PHF20: variants seen among roughly 807,000 people sequenced by gnomAD.
PHF20 encodes the protein PHD finger protein 20.
PHF20 carries 23 observed loss-of-function variants against 113.5 expected under a neutral mutation model. The observed-to-expected ratio is 0.20, with a 90% confidence interval of 0.15 to 0.29. The LOEUF (loss-of-function observed/expected upper bound fraction) is 0.29. PHF20 is among the 10% of genes least tolerant of loss of function. The probability of loss-of-function intolerance (pLI) is 1.00; values close to 1 mark genes in which losing one functional copy is unlikely to be tolerated. For synonymous variants in PHF20, 434 were observed against 457.3 expected, an observed-to-expected ratio of 0.95 and a Z score of 0.65; for missense variants, 943 against 1,219.6, an observed-to-expected ratio of 0.77 and a Z score of 3.38.
chr20:35,888,342 T>G (rs192371698), intron 9 of PHF20, among the ~76,000 whole-genome samples: 66 of 152,194 alleles, frequency 4.3e-4, no homozygotes, highest in East Asian at 7.7e-4. Flanking sequence ...TACCAAAGTA[T>G]AGTAGTAATT....
At chr20:35,843,911 T>A (rs192707000) in intron 3 of PHF20, among the ~76,000 whole-genome samples, 9 of 152,300 alleles carry the variant, frequency 5.9e-5, no homozygotes, top group African/African-American at 1.9e-4. Flanking sequence ...TGGAATTGAT[T>A]GGACTGTATT....
intron 5 of PHF20, among the ~76,000 whole-genome samples, chr20:35,860,237 ATTTT>A (rs34253757): frequency 1.5e-5 from 2 of 129,750 alleles, no homozygotes; most frequent in African/African-American, 2.9e-5. Context: ...TTTCTAAGAA[ATTTT>A]TTTTTTTTTT....
At chr20:35,901,156 G>A (rs2055087968) in intron 10 of PHF20, among the ~76,000 whole-genome samples, 1 of 152,038 alleles carries the variant, frequency 6.6e-6, no homozygotes, top group African/African-American at 2.4e-5. Flanking sequence ...CGGACATAGT[G>A]GCTCACACCT....
Position 35,850,296 on chromosome 20 carries a change from G to GTTTTTTTTTTTTTTT in PHF20, c.340+2877_340+2891dup, listed in dbSNP as rs554100863. ...CTGGGGCTGCTTAGCTTCCCCCTCC[G>GTTTTTTTTTTTTTTT]TTTTTTTTTTTTTTTTTTTTTTTTT... On this transcript the variant is annotated intron_variant, in intron 4 of 17. Coordinates refer to ENST00000374012, the MANE Select transcript of PHF20 (RefSeq NM_016436.5). Among the ~76,000 whole-genome samples the GTTTTTTTTTTTTTTT allele has an allele frequency of 4.2e-4, 26 of 62,358 alleles. 4 individuals are homozygous for GTTTTTTTTTTTTTTT. Among genetic ancestry groups the GTTTTTTTTTTTTTTT allele is most frequent in the South Asian group, 1.0e-3 (2 of 1,934 alleles). 40.9% of individuals were successfully genotyped at this position (62,358 alleles called of 152,430 possible). A position where few individuals can be genotyped will look rare whatever the true frequency, so the allele number is the denominator to read the frequency against.
At chr20:35,813,073 A>G (rs1355103165) in intron 2 of PHF20, among the ~76,000 whole-genome samples, 1 of 152,124 alleles carries the variant, frequency 6.6e-6, no homozygotes, top group Non-Finnish European at 1.5e-5. Flanking sequence ...GGTTCACGCC[A>G]TTCTCCTGCC....
intron 9 of PHF20, among the ~76,000 whole-genome samples, chr20:35,884,170 A>G (rs1412266706): frequency 6.6e-6 from 1 of 152,200 alleles, no homozygotes; most frequent in African/African-American, 2.4e-5. Context: ...AACGTAAGTA[A>G]GCGGAAATAG....
chr20:35,906,488 C>G lies in PHF20; in HGVS notation c.1562-6761C>G, dbSNP rs117058704. ...AGGTCCCTGGGCCTTGCTTTCTCCC[C>G]GTTTTTCCACCAGGATCTGAAGGTC... On this transcript the variant is annotated intron_variant, in intron 10 of 17. Coordinates refer to ENST00000374012, the MANE Select transcript of PHF20 (RefSeq NM_016436.5). Among the ~76,000 whole-genome samples, 87 of 142,540 alleles carry G rather than the reference C, an allele frequency of 6.1e-4. 2 individuals are homozygous for G. The East Asian group carries it at 0.016, about 27-fold the overall frequency. The allele number at this position is 142,540 out of a possible 152,430, so 93.5% of individuals were successfully genotyped here. A position where few individuals can be genotyped will look rare whatever the true frequency, so the allele number is the denominator to read the frequency against.
chr20:35,869,352 A>G (rs2146986002), intron 6 of PHF20, 86 bp from the exon 7 acceptor site: 4 of 614,260 alleles, frequency 6.5e-6, no homozygotes, highest in East Asian at 6.0e-5. Flanking sequence ...GCATATATAT[A>G]TGTATATATG....
chr20:35,870,541 G>A (rs1285890568), intron 7 of PHF20, among the ~76,000 whole-genome samples: 3 of 151,930 alleles, frequency 2.0e-5, no homozygotes, highest in Non-Finnish European at 4.4e-5. Context: ...ACCCTCTGGA[G>A]TGAGTTGGCT....
intron 1 of PHF20, among the ~76,000 whole-genome samples, chr20:35,791,487 ATCTATCT>A (rs778203616): frequency 4.3e-4 from 56 of 129,124 alleles, no homozygotes; most frequent in Admixed American, 1.1e-3. Flanking sequence ...CTATCTATCT[ATCTATCT>A]ATCTATCTTA....
intron 5 of PHF20, 152 bp from the exon 6 acceptor site, chr20:35,862,861 C>A: frequency 1.5e-6 from 1 of 647,646 alleles, no homozygotes; most frequent in Non-Finnish European, 2.6e-6. Flanking sequence ...CAACTCAGTA[C>A]AGGTGGCTGT....
intron 13 of PHF20, among the ~76,000 whole-genome samples, chr20:35,924,428 A>G (rs1600943905): frequency 1.3e-5 from 2 of 151,920 alleles, no homozygotes; most frequent in South Asian, 2.1e-4. Context: ...TCCCGACCTC[A>G]GGTGATCCGC....
intron 5 of PHF20, among the ~76,000 whole-genome samples, chr20:35,859,982 C>T (rs1023262765): frequency 1.3e-5 from 2 of 152,074 alleles, no homozygotes; most frequent in Non-Finnish European, 2.9e-5. Context: ...GTGCAGTGGC[C>T]CAATCTCTGC....
At chr20:35,899,042 C>T (rs2055044414) in intron 9 of PHF20, among the ~76,000 whole-genome samples, 1 of 152,144 alleles carries the variant, frequency 6.6e-6, no homozygotes, top group African/African-American at 2.4e-5. Flanking sequence ...AGCTGCTCTG[C>T]TTGACCTGAG....
At chr20:35,850,137 C>T (rs2425165) in intron 4 of PHF20, among the ~76,000 whole-genome samples, 38,506 of 151,730 alleles carry the variant, frequency 0.25, 5,682 homozygotes, top group African/African-American at 0.41. Context: ...TTATTTAGTA[C>T]GAAGGCAGCG....
intron 9 of PHF20, among the ~76,000 whole-genome samples, chr20:35,881,734 T>C (rs1238588004): frequency 1.3e-5 from 2 of 152,134 alleles, no homozygotes; most frequent in Non-Finnish European, 2.9e-5. Flanking sequence ...TGAAAAAATA[T>C]TCATAAATTT....
intron 2 of PHF20, 131 bp from the exon 3 acceptor site, chr20:35,842,442 A>T: frequency 1.3e-6 from 1 of 741,868 alleles, no homozygotes; most frequent in South Asian, 1.8e-5. Flanking sequence ...TGACCCAACT[A>T]CACAGAGTCT....
chr20:35,845,389 G>A (rs1401788806), intron 3 of PHF20: 4 of 393,620 alleles, frequency 1.0e-5, no homozygotes, highest in Non-Finnish European at 2.1e-5. Flanking sequence ...TTAAAGAGAC[G>A]TTTTCTTGCT....
intron 2 of PHF20, among the ~76,000 whole-genome samples, chr20:35,828,945 T>C (rs2042309967): frequency 6.6e-6 from 1 of 152,212 alleles, no homozygotes; most frequent in Admixed American, 6.5e-5. Flanking sequence ...TTTATTATTC[T>C]CTAGGTGTCT....
Sources: gnomAD v4.1 joint callset for allele counts (sites outside exome capture counted in the v4.1 genomes callset) on GRCh38, gnomAD v4.1.1 for gene constraint, MANE v1.5 for transcripts, NCBI Gene and HGNC (gene_info 2026-07-23, HGNC 2026-07-21) for gene names.